PCDH11X: variants seen among roughly 807,000 people sequenced by gnomAD.
PCDH11X encodes protocadherin 11 X-linked, also known as protocadherin-11 X-linked.
In PCDH11X, 18 loss-of-function variants were observed where a neutral mutation model predicts 53.3. The ratio of observed to expected loss-of-function variants is 0.34; its 90% CI spans 0.23 to 0.50. The LOEUF is 0.50. Among genes scored for constraint, PCDH11X ranks in the 20% least tolerant of loss-of-function variants. The pLI is 0.98. For missense variants in PCDH11X, 570 were observed against 1,032.4 expected (o/e 0.55, Z 6.14); for synonymous variants, 279 against 393.3 (o/e 0.71, Z 3.44).
intron 6 of PCDH11X, among the ~76,000 whole-genome samples, chrX:91,895,527 A>G (rs1377156291): frequency 9.0e-6 from 1 of 110,640 alleles, no homozygotes; most frequent in East Asian, 2.8e-4. Context: ...GGTAATGCCT[A>G]GGATTGGTCC....
intron 8 of PCDH11X, among the ~76,000 whole-genome samples, chrX:92,340,348 A>G (rs775916227): frequency 8.9e-5 from 10 of 111,759 alleles, no homozygotes; most frequent in African/African-American, 2.6e-4. Flanking sequence ...GCAATGCCCC[A>G]GTAGGGACTC....
At chrX:91,979,229 G>C (rs1296180232) in intron 6 of PCDH11X, among the ~76,000 whole-genome samples, 2 of 107,589 alleles carry the variant, frequency 1.9e-5, no homozygotes, top group Non-Finnish European at 3.8e-5. Context: ...CACAAATTCT[G>C]TTTGGCAAGA....
chrX:92,607,354 T>A (rs1926929839), intron 10 of PCDH11X, among the ~76,000 whole-genome samples: 1 of 110,974 alleles, frequency 9.0e-6, no homozygotes, highest in Non-Finnish European at 1.9e-5. Flanking sequence ...TTATGCTAAA[T>A]ACAACAGACC....
At chrX:91,933,715 TA>T (rs1334621919) in intron 6 of PCDH11X, among the ~76,000 whole-genome samples, 2 of 111,460 alleles carry the variant, frequency 1.8e-5, no homozygotes, top group Non-Finnish European at 3.8e-5. Context: ...GCTTAGGTAG[TA>T]AGCAGTTATT....
intron 6 of PCDH11X, among the ~76,000 whole-genome samples, chrX:91,939,624 G>A (rs1365574265): frequency 9.2e-6 from 1 of 109,040 alleles, no homozygotes; most frequent in African/African-American, 3.3e-5. Flanking sequence ...GACACACTAT[G>A]TAGAGAGAAA....
intron 8 of PCDH11X, among the ~76,000 whole-genome samples, chrX:92,346,283 T>A (rs1415676134): frequency 1.8e-5 from 2 of 111,465 alleles, no homozygotes; most frequent in Non-Finnish European, 3.8e-5. Context: ...AAAATAGCAA[T>A]GTCTGTTTAA....
At chrX:92,140,915 A>G (rs1024210081) in intron 6 of PCDH11X, among the ~76,000 whole-genome samples, 10 of 111,828 alleles carry the variant, frequency 8.9e-5, no homozygotes, top group Admixed American at 1.9e-4. Flanking sequence ...ATAGTTACAG[A>G]TAAAAGTTGA....
At chrX:92,287,902 T>C (rs1342049084) in intron 8 of PCDH11X, 1 of 506,963 alleles carries the variant, frequency 2.0e-6, no homozygotes, top group Non-Finnish European at 3.5e-6. Context: ...TTACGAGATC[T>C]GGTTGTCTGA....
intron 6 of PCDH11X, among the ~76,000 whole-genome samples, chrX:92,050,494 G>A (rs1602756538): frequency 9.3e-6 from 1 of 107,976 alleles, no homozygotes; most frequent in African/African-American, 3.4e-5. Context: ...TATGGATTCT[G>A]GAGCTAGACC....
rs946820017 is a variant in PCDH11X at position 92,352,766 on chromosome X, G to C, written c.3145-34969G>C. Among the ~76,000 whole-genome samples the C allele has an allele frequency of 9.9e-5, 11 of 111,474 alleles. No homozygotes were observed. In the East Asian group the frequency reaches 1.1e-3, roughly 12 times the overall value. On this transcript the variant is annotated intron_variant, in intron 8 of 10. Coordinates refer to ENST00000682573, the MANE Select transcript of PCDH11X (RefSeq NM_032968.5). ...GATTGTTATTTCTCTTCTGGATCTA[G>C]CCACCCAGCAGGACTAGGTTGTCTG...
At chrX:92,121,478 C>T (rs1370040120) in intron 6 of PCDH11X, among the ~76,000 whole-genome samples, 2 of 111,378 alleles carry the variant, frequency 1.8e-5, no homozygotes, top group Non-Finnish European at 3.8e-5. Context: ...TTAATCCAAT[C>T]TGAGAATTAG....
chrX:92,558,259 A>G (rs755758548), intron 10 of PCDH11X, among the ~76,000 whole-genome samples: 3 of 110,593 alleles, frequency 2.7e-5, no homozygotes, highest in Admixed American at 9.7e-5. Context: ...ATCATAACGC[A>G]GGTTGAGTTG....
Position 92,087,927 on chromosome X carries a change from T to G in PCDH11X, c.3034-113448T>G, listed in dbSNP as rs758394675. ...TGCTTATATATTTATATAAGATATA[T>G]TGCTTATATATATATGATATATATA... is the stretch of plus-strand genomic sequence containing the variant. On this transcript the variant is annotated intron_variant, in intron 6 of 10. Transcript: ENST00000682573. Among the ~76,000 whole-genome samples the G allele has an allele frequency of 3.8e-4, 41 of 106,645 alleles. No homozygotes were observed. In the South Asian group the frequency reaches 0.016, roughly 41 times the overall value. The allele number at this position is 106,645 out of a possible 115,157, so 92.6% of individuals were successfully genotyped here. A position where few individuals can be genotyped will look rare whatever the true frequency, so the allele number is the denominator to read the frequency against.
chrX:92,329,183 A>G (rs764624633), intron 8 of PCDH11X, among the ~76,000 whole-genome samples: 1 of 111,730 alleles, frequency 9.0e-6, no homozygotes, highest in East Asian at 2.8e-4. Context: ...AAAAAGAAAA[A>G]TCATATAAGT....
chrX:92,042,499 A>C (rs2063223542), intron 6 of PCDH11X, among the ~76,000 whole-genome samples: 1 of 105,622 alleles, frequency 9.5e-6, no homozygotes, highest in Non-Finnish European at 1.9e-5. Flanking sequence ...AGCACCTACC[A>C]TGTGATTTTA....
intron 6 of PCDH11X, among the ~76,000 whole-genome samples, chrX:92,094,406 A>G (rs1331964571): frequency 9.0e-6 from 1 of 110,626 alleles, no homozygotes; most frequent in Non-Finnish European, 1.9e-5. Flanking sequence ...ATTTTGAGCC[A>G]TAACCTCTTG....
intron 9 of PCDH11X, among the ~76,000 whole-genome samples, chrX:92,446,678 TTATGAGCAG>T (rs1418029407): frequency 8.9e-6 from 1 of 111,818 alleles, no homozygotes; most frequent in East Asian, 2.8e-4. Context: ...AGATATGTCT[TTATGAGCAG>T]CATGAAAATG....
intron 4 of PCDH11X, among the ~76,000 whole-genome samples, 164 bp downstream of exon 4, chrX:91,811,459 A>G (rs1171118319): frequency 1.6e-4 from 18 of 109,287 alleles, no homozygotes; most frequent in African/African-American, 6.0e-4. Flanking sequence ...GATGAGAGGA[A>G]GGGGAAGTCT....
intron 7 of PCDH11X, among the ~76,000 whole-genome samples, chrX:92,217,963 T>C (rs1487028582): frequency 4.7e-5 from 5 of 107,062 alleles, no homozygotes; most frequent in Admixed American, 1.0e-4. Context: ...ACTGGGTACA[T>C]AACGAAATGA....
Sources: allele counts gnomAD v4.1 joint callset (sites outside exome capture counted in the v4.1 genomes callset), GRCh38; gene constraint gnomAD v4.1.1; transcripts MANE v1.5; gene names NCBI Gene and HGNC (gene_info 2026-07-23, HGNC 2026-07-21).